Variants in GON4L observed in about 807,000 individuals in gnomAD.
GON4L encodes the protein GON-4-like protein.
GON4L carries 87 observed loss-of-function variants against 211.8 expected under a neutral mutation model. The observed-to-expected ratio is 0.41, with a 90% CI of 0.35 to 0.49. GON4L has a LOEUF of 0.49. Among genes scored for constraint, GON4L ranks in the 20% least tolerant of loss-of-function variants. GON4L has a pLI of 0.15. For missense variants in GON4L, 2,155 were observed against 2,659.5 expected (o/e 0.81, Z 4.17); for synonymous variants, 875 against 962.6 (o/e 0.91, Z 1.68).
downstream of GON4L, chr1:155,749,312 G>A (rs533791899): frequency 3.7e-6 from 6 of 1,612,606 alleles, no homozygotes; most frequent in South Asian, 6.6e-5. Context: ...GGTGGTTTTG[G>A]CTTTGTTATG....
Position 155,767,646 on chromosome 1 carries a change from C to A in GON4L, c.2647-105G>T, listed in dbSNP as rs563896115. 41 of 1,566,840 alleles carry A rather than the reference C, an allele frequency of 2.6e-5. No homozygotes were observed. The African/African-American group carries it at 5.1e-4, about 20-fold the overall frequency. On this transcript the variant is annotated intron_variant, in intron 19 of 31. Transcript: ENST00000368331. The stretch of plus-strand genomic sequence containing the variant: ...GTGGATCAAGAGAAACACACACACA[C>A]ACACACACACACACACAAGACCACA...
At chr1:155,791,384 G>A (rs1665535916) in intron 12 of GON4L, among the ~76,000 whole-genome samples, 1 of 151,512 alleles carries the variant, frequency 6.6e-6, no homozygotes, top group Non-Finnish European at 1.5e-5. Context: ...ATAAATGCTA[G>A]AATCCAGAGA....
chr1:155,751,324 T>C (rs570321074), intron 31 of GON4L, among the ~76,000 whole-genome samples: 2 of 152,188 alleles, frequency 1.3e-5, no homozygotes, highest in East Asian at 3.9e-4. Flanking sequence ...GGCAGGTGGA[T>C]AACCTGAGGT....
At chr1:155,792,793 C>G (rs564479790) in intron 12 of GON4L, among the ~76,000 whole-genome samples, 6 of 152,250 alleles carry the variant, frequency 3.9e-5, no homozygotes, top group African/African-American at 1.4e-4. Context: ...GGGTCTTGCT[C>G]TGACCCAGGC....
Position 155,765,186 on chromosome 1 carries a change from C to T in GON4L, c.4287G>A (p.Gly1429=), listed in dbSNP as rs1662316276. The T allele has an allele frequency of 1.9e-6, 3 of 1,614,218 alleles. No individual in the cohort carries two copies. Among genetic ancestry groups the T allele is most frequent in the South Asian group, 2.2e-5 (2 of 91,086 alleles). ...DPEVRLSSPP[G]KPEDSSSVDG... ...CAACACTGGATGAATCTTCTGGCTTCCCTGGGGGGCTACTAAGCCTCACTT... is the reference window on the plus strand; with the variant it reads ...CAACACTGGATGAATCTTCTGGCTTTCCTGGGGGGCTACTAAGCCTCACTT... The change falls in exon 21 of 32, where the codon GGG becomes GGA. Residue 1429 remains glycine (G), a synonymous_variant. Transcript: ENST00000368331.
intron 2 of GON4L, among the ~76,000 whole-genome samples, chr1:155,839,018 AG>A (rs1427874365): frequency 1.3e-5 from 2 of 152,076 alleles, no homozygotes; most frequent in Non-Finnish European, 2.9e-5. Context: ...CTGATAGTTC[AG>A]GATTTCTTCC....
chr1:155,769,076 A>G (rs796759018), intron 19 of GON4L, among the ~76,000 whole-genome samples: 4 of 152,168 alleles, frequency 2.6e-5, no homozygotes, highest in African/African-American at 9.6e-5. Context: ...CCCTAGTTCA[A>G]GTGAGTTTTG....
rs986292394 is a variant in GON4L at position 155,763,477 on chromosome 1, TCTC to T, written c.4558_4560del (p.Glu1520del). The T allele has an allele frequency of 5.8e-6, 9 of 1,552,190 alleles. No individual in the cohort carries two copies. The highest frequency in any genetic ancestry group is 7.8e-6 in the Non-Finnish European group (9 of 1,147,330). On this transcript the variant is annotated inframe_deletion, in exon 22 of 32. Coordinates refer to ENST00000368331, the MANE Select transcript of GON4L (RefSeq NM_001282860.2). ...TCCTCCTCTTCTTCTGGCTCAGAGT[TCTC>T]CTCCTGAGAATTCTCTTCTTCAGAC...
intron 8 of GON4L, 149 bp from the exon 9 acceptor site, chr1:155,814,598 A>C: frequency 2.4e-6 from 2 of 821,742 alleles, no homozygotes; most frequent in Non-Finnish European, 4.1e-6. Flanking sequence ...ATACAAAAAT[A>C]AGCCAGGCGC....
chr1:155,795,728 T>G (rs933569780), intron 11 of GON4L, among the ~76,000 whole-genome samples: 3 of 152,142 alleles, frequency 2.0e-5, no homozygotes, highest in African/African-American at 7.2e-5. Context: ...CAGCCTTGAC[T>G]GCCCAGGATC....
At chr1:155,797,670 C>T (rs1453088309) in intron 11 of GON4L, among the ~76,000 whole-genome samples, 2 of 54,460 alleles carry the variant, frequency 3.7e-5, no homozygotes, top group Middle Eastern at 6.6e-3. Flanking sequence ...ATGGTGAGAC[C>T]CCCCCCCTCC....
intron 11 of GON4L, among the ~76,000 whole-genome samples, chr1:155,798,016 G>A (rs1277298704): frequency 1.3e-5 from 2 of 151,486 alleles, no homozygotes; most frequent in East Asian, 3.9e-4. Flanking sequence ...AGGAGTTTGA[G>A]GCTGCAGTGA....
At chr1:155,768,156 A>T (rs190394466) in intron 19 of GON4L, among the ~76,000 whole-genome samples, 1 of 152,244 alleles carries the variant, frequency 6.6e-6, no homozygotes, top group Non-Finnish European at 1.5e-5. Context: ...TACAAAAATT[A>T]GCCAGGCATG....
intron 8 of GON4L, 144 bp downstream of exon 8, chr1:155,815,661 A>T: frequency 3.0e-6 from 2 of 672,206 alleles, no homozygotes; most frequent in Admixed American, 2.2e-5. Context: ...TTAAGGGAGT[A>T]TAAAGGGCAG....
downstream of GON4L, among the ~76,000 whole-genome samples, chr1:155,745,317 G>A (rs1211330913): frequency 6.6e-6 from 1 of 152,252 alleles, no homozygotes; most frequent in Non-Finnish European, 1.5e-5. Flanking sequence ...ATACAGATAT[G>A]ATAGCTAGGT....
rs1299746208 is a variant in GON4L at position 155,813,761 on chromosome 1, T to G, written c.1325A>C (p.Glu442Ala). 1 of 1,613,896 alleles carries G rather than the reference T, an allele frequency of 6.2e-7. No individual in the cohort carries two copies. Among genetic ancestry groups the G allele is most frequent in the South Asian group, 1.1e-5 (1 of 91,084 alleles). The change falls in exon 10 of 32, where the codon GAG becomes GCG. Residue 442 changes from glutamate (E) to alanine (A), a missense_variant. Around this residue, in one of 6 missense-constraint regions of GON4L, gnomAD observed 551 missense variants for 854.0 expected, o/e 0.65. Transcript: ENST00000368331. Reference protein sequence around the residue: ...TTPAIRHISAEVVPMGPPPPP... With the variant: ...TTPAIRHISAAVVPMGPPPPP... ...GGGCGGGGGCCCCATGGGCACTACC[T>G]CAGCACTGATGTGCCTGATGGCTGG...
At chr1:155,761,496 C>A (rs1353447625) in intron 23 of GON4L, among the ~76,000 whole-genome samples, 1 of 144,846 alleles carries the variant, frequency 6.9e-6, no homozygotes, top group Non-Finnish European at 1.5e-5. Flanking sequence ...CAGCCTGGTT[C>A]ATTTTTTTTT....
Position 155,853,131 on chromosome 1 carries a change from T to C in GON4L, c.505+145A>G, listed in dbSNP as rs1039310080. On this transcript the variant is annotated intron_variant, in intron 2 of 31. Transcript: ENST00000368331. ...GTCTCAAGAAAAAAAAAAAGTTCACTGTTGACCCTTAGCAACACAGCAGTT... is the reference window on the plus strand; with the variant it reads ...GTCTCAAGAAAAAAAAAAAGTTCACCGTTGACCCTTAGCAACACAGCAGTT... The C allele has an allele frequency of 9.9e-6, 8 of 805,210 alleles. No homozygotes were observed. The African/African-American group carries it at 1.0e-4, about 10-fold the overall frequency. The allele number at this position is 805,210 out of a possible 1,614,324, so 49.9% of individuals were successfully genotyped here.
Position 155,756,990 on chromosome 1 carries a change from T to C in GON4L, c.5485A>G (p.Lys1829Glu). Residue 1829 changes from lysine (K) to glutamate (E), a missense_variant, in exon 27 of 32, where the codon AAA becomes GAA. Lys to Glu is a moderately conservative substitution (Grantham distance 56). Around this residue, in one of 6 missense-constraint regions of GON4L, gnomAD observed 455 missense variants for 504.6 expected, o/e 0.90. Coordinates refer to ENST00000368331, the MANE Select transcript of GON4L (RefSeq NM_001282860.2). ...KIPTASKNKRKKEIGVQNHDK... is the reference protein window; with the variant it reads ...KIPTASKNKREKEIGVQNHDK... ...TGATTTTGGACCCCGATCTCTTTTTTCCTCTTGTTCTTTGAGGCTGTGGGT... is the reference window on the plus strand; with the variant it reads ...TGATTTTGGACCCCGATCTCTTTTTCCCTCTTGTTCTTTGAGGCTGTGGGT... 6.2e-7 allele frequency: 1 copy of C among 1,613,732 alleles called. No individual in the cohort carries two copies. Among genetic ancestry groups the C allele is most frequent in the Non-Finnish European group, 8.5e-7 (1 of 1,179,652 alleles).
Sources: gnomAD v4.1 joint callset for allele counts (sites outside exome capture counted in the v4.1 genomes callset) on GRCh38, gnomAD v4.1.1 for gene constraint, gnomAD v4.1.1 regional missense constraint, MANE v1.5 for transcripts, NCBI Gene and HGNC (gene_info 2026-07-23, HGNC 2026-07-21) for gene names.